Variants in SDCCAG8 observed in about 807,000 individuals in gnomAD.
SDCCAG8 encodes serologically defined colon cancer antigen 8.
A neutral mutation model predicts 101.8 loss-of-function variants in SDCCAG8; 74 were observed. That is an observed-to-expected ratio of 0.73 (90% CI 0.60 to 0.88). The LOEUF (loss-of-function observed/expected upper bound fraction) is 0.88, where lower values mean the gene tolerates loss of function less well. Ranked by LOEUF, SDCCAG8 falls within the 40% of genes least tolerant of loss-of-function variation. The probability of loss-of-function intolerance (pLI) is 0.00; values close to 1 mark genes in which losing one functional copy is unlikely to be tolerated. For missense variants in SDCCAG8, 787 were observed against 822.6 expected, an observed-to-expected ratio of 0.96 and a Z score of 0.53; for synonymous variants, 281 against 292.9, an observed-to-expected ratio of 0.96 and a Z score of 0.41.
At chr1:243,418,849 T>C (rs2080787185) in intron 15 of SDCCAG8, among the ~76,000 whole-genome samples, 1 of 152,164 alleles carries the variant, frequency 6.6e-6, no homozygotes, top group Admixed American at 6.6e-5. Context: ...GAAGGCAATA[T>C]TCACATAACT....
intron 17 of SDCCAG8, among the ~76,000 whole-genome samples, chr1:243,495,148 T>C (rs1162454117): frequency 6.6e-6 from 1 of 152,240 alleles, no homozygotes; most frequent in African/African-American, 2.4e-5. Context: ...GAAGGAACCC[T>C]TGGGCTTGGG....
At chr1:243,343,740 A>G (rs1183165666) in intron 11 of SDCCAG8, among the ~76,000 whole-genome samples, 1 of 152,248 alleles carries the variant, frequency 6.6e-6, no homozygotes, top group Non-Finnish European at 1.5e-5. Flanking sequence ...TAGTATATCT[A>G]TCAGCAGACA....
At chr1:243,330,461 C>T in intron 9 of SDCCAG8, 79 bp from the exon 10 acceptor site, 1 of 1,454,504 alleles carries the variant, frequency 6.9e-7, no homozygotes, top group East Asian at 2.3e-5. Flanking sequence ...TTTAAATATA[C>T]TTAAAGCTTA....
At chr1:243,431,804 G>T (rs2081787803) in intron 16 of SDCCAG8, among the ~76,000 whole-genome samples, 1 of 152,140 alleles carries the variant, frequency 6.6e-6, no homozygotes, top group Non-Finnish European at 1.5e-5. Flanking sequence ...TCTCATCTGG[G>T]CGTTCACTGT....
chr1:243,357,336 G>A (rs1278589487), intron 12 of SDCCAG8, among the ~76,000 whole-genome samples: 2 of 150,482 alleles, frequency 1.3e-5, no homozygotes, highest in East Asian at 4.0e-4. Flanking sequence ...CTGAGATCGT[G>A]CCACTGCACT....
intron 12 of SDCCAG8, among the ~76,000 whole-genome samples, chr1:243,349,207 C>A (rs139495149): frequency 1.3e-5 from 2 of 152,214 alleles, no homozygotes; most frequent in Admixed American, 1.3e-4. Flanking sequence ...GTATATATCC[C>A]CACTCACATA....
intron 12 of SDCCAG8, among the ~76,000 whole-genome samples, chr1:243,371,732 G>A (rs1308735958): frequency 6.6e-6 from 1 of 152,098 alleles, no homozygotes; most frequent in Non-Finnish European, 1.5e-5. Flanking sequence ...GGTTCCCCAA[G>A]TGTCTAGCTT....
At chr1:243,338,488 A>G (rs2075166448) in intron 10 of SDCCAG8, among the ~76,000 whole-genome samples, 1 of 151,174 alleles carries the variant, frequency 6.6e-6, no homozygotes, top group East Asian at 1.9e-4. Context: ...CTACCTAGAC[A>G]GGTTTGAATC....
At chr1:243,266,109 A>T (rs376538475) in intron 1 of SDCCAG8, among the ~76,000 whole-genome samples, 3 of 152,320 alleles carry the variant, frequency 2.0e-5, no homozygotes, top group African/African-American at 4.8e-5. Flanking sequence ...TAAATTGTGG[A>T]TACAATGTGG....
chr1:243,498,610 T>C (rs551412767), intron 17 of SDCCAG8, among the ~76,000 whole-genome samples: 1 of 152,388 alleles, frequency 6.6e-6, no homozygotes, highest in Admixed American at 6.5e-5. Flanking sequence ...GAAATCTACT[T>C]GAAATGTAAA....
chr1:243,487,625 G>A (rs1665251025), intron 16 of SDCCAG8, among the ~76,000 whole-genome samples: 1 of 152,190 alleles, frequency 6.6e-6, no homozygotes, highest in African/African-American at 2.4e-5. Context: ...GCGTCCCTTA[G>A]TCCTTACACT....
At chr1:243,387,410 A>G (rs2078379674) in intron 13 of SDCCAG8, among the ~76,000 whole-genome samples, 1 of 152,190 alleles carries the variant, frequency 6.6e-6, no homozygotes, top group East Asian at 1.9e-4. Context: ...CCTTTTACAT[A>G]AATGATCTTT....
intron 16 of SDCCAG8, among the ~76,000 whole-genome samples, chr1:243,455,733 T>C (rs930745241): frequency 2.0e-5 from 3 of 152,236 alleles, no homozygotes; most frequent in Non-Finnish European, 4.4e-5. Context: ...ATTAAATCCA[T>C]ATTTACAAAA....
At position 243,476,020 on chromosome 1, in the gene SDCCAG8, C is replaced by T. The variant is rs1446445426; in HGVS notation, c.1986-12994C>T. The T allele has an allele frequency of 3.0e-6, 3 of 985,330 alleles. No individual in the cohort carries two copies. In the African/African-American group the frequency reaches 5.2e-5, roughly 17 times the overall value. 61.0% of individuals were successfully genotyped at this position (985,330 alleles called of 1,614,324 possible). On this transcript the variant is annotated intron_variant, in intron 16 of 17. Coordinates refer to ENST00000366541, the MANE Select transcript of SDCCAG8 (RefSeq NM_006642.5). ...CTCCAGCAGGCCTAATCACTCTGAT[C>T]TGTCATGGACCTTCTAGCTGGAAGA...
chr1:243,349,278 C>A (rs2075948209), intron 12 of SDCCAG8, among the ~76,000 whole-genome samples: 1 of 152,168 alleles, frequency 6.6e-6, no homozygotes, highest in South Asian at 2.1e-4. Context: ...AAAGTGTTAG[C>A]CAACTACAGC....
intron 16 of SDCCAG8, among the ~76,000 whole-genome samples, chr1:243,442,097 G>A (rs922843328): frequency 6.6e-6 from 1 of 152,142 alleles, no homozygotes; most frequent in African/African-American, 2.4e-5. Flanking sequence ...ATGAATTCAT[G>A]TTGGTTAATA....
chr1:243,419,966 T>A (rs1213908591), intron 15 of SDCCAG8, among the ~76,000 whole-genome samples: 1 of 152,244 alleles, frequency 6.6e-6, no homozygotes, highest in East Asian at 1.9e-4. Context: ...CTCCAGCTCC[T>A]GAACAGTACT....
chr1:243,273,392 A>G (rs2068255907), intron 3 of SDCCAG8, among the ~76,000 whole-genome samples: 1 of 152,148 alleles, frequency 6.6e-6, no homozygotes, highest in Non-Finnish European at 1.5e-5. Context: ...TGATGGGTAT[A>G]TGATTTTACA....
At chr1:243,399,211 G>A (rs989742956) in intron 13 of SDCCAG8, among the ~76,000 whole-genome samples, 2 of 152,090 alleles carry the variant, frequency 1.3e-5, no homozygotes, top group Admixed American at 6.5e-5. Flanking sequence ...TAATACCAAC[G>A]GTGGTTGAGT....
Sources: gnomAD v4.1 joint callset for allele counts (sites outside exome capture counted in the v4.1 genomes callset) on GRCh38, gnomAD v4.1.1 for gene constraint, MANE v1.5 for transcripts, NCBI Gene and HGNC (gene_info 2026-07-23, HGNC 2026-07-21) for gene names.